Variants in PPIG observed in about 807,000 individuals in gnomAD.
The protein encoded by PPIG is peptidylprolyl isomerase G.
PPIG carries 26 observed loss-of-function variants against 87.9 expected under a neutral mutation model. The observed-to-expected ratio is 0.30, with a 90% confidence interval of 0.22 to 0.41. PPIG has a LOEUF of 0.41. Among genes scored for constraint, PPIG ranks in the 10% least tolerant of loss-of-function variants. PPIG has a pLI of 1.00. For synonymous variants in PPIG, 308 were observed against 276.5 expected (o/e 1.11, Z -1.13); for missense variants, 722 against 879.4 (o/e 0.82, Z 2.26).
intron 9 of PPIG, among the ~76,000 whole-genome samples, chr2:169,627,348 T>C (rs776319317): frequency 4.6e-5 from 7 of 152,234 alleles, no homozygotes; most frequent in Non-Finnish European, 8.8e-5. Flanking sequence ...CCACTAGCCT[T>C]GGCCTCCCAA....
At chr2:169,594,933 T>G (rs1309972248) in intron 1 of PPIG, among the ~76,000 whole-genome samples, 3 of 151,588 alleles carry the variant, frequency 2.0e-5, no homozygotes, top group Non-Finnish European at 4.4e-5. Flanking sequence ...TTTTATTTTA[T>G]TTTATTTTAT....
chr2:169,625,961 G>A (rs1685869761), intron 9 of PPIG, among the ~76,000 whole-genome samples: 1 of 152,110 alleles, frequency 6.6e-6, no homozygotes, highest in African/African-American at 2.4e-5. Flanking sequence ...GACAGGAGGT[G>A]GAGCTCCAGT....
At chr2:169,599,974 A>G (rs1220908281) in intron 1 of PPIG, among the ~76,000 whole-genome samples, 2 of 152,166 alleles carry the variant, frequency 1.3e-5, no homozygotes, top group African/African-American at 4.8e-5. Context: ...TCATTAGTGA[A>G]TCTAAAAAGC....
chr2:169,586,067 C>T (rs551038910), intron 1 of PPIG, among the ~76,000 whole-genome samples: 12 of 152,018 alleles, frequency 7.9e-5, no homozygotes, highest in African/African-American at 2.7e-4. Context: ...TAGCACTCCC[C>T]TTTTTTTTAT....
At chr2:169,609,118 C>A (rs1685418089) in intron 7 of PPIG, among the ~76,000 whole-genome samples, 1 of 150,286 alleles carries the variant, frequency 6.7e-6, no homozygotes, top group African/African-American at 2.4e-5. Context: ...TTTGGTCTGT[C>A]ATTTCTCTGT....
At position 169,636,472 on chromosome 2, in the gene PPIG, A is replaced by G. The variant is rs781695962; in HGVS notation, c.1214A>G (p.Lys405Arg). Residue 405 changes from lysine to arginine, a missense_variant, in exon 14 of 14, where the codon AAA (lysine) becomes AGA (arginine). Physicochemically the swap from Lys to Arg is conservative, Grantham distance 26. Transcript: ENST00000260970. ...QRSPVRVKER[K>R]ITDHRNVSES... Reference sequence around the variant, plus strand: ...AGTCCAGTTAGAGTAAAAGAGAGAAAAATAACAGATCACAGGAATGTATCT... The same window carrying G: ...AGTCCAGTTAGAGTAAAAGAGAGAAGAATAACAGATCACAGGAATGTATCT... 6.3e-7 allele frequency: 1 copy of G among 1,580,726 alleles called. No individual in the cohort carries two copies. Among genetic ancestry groups the G allele is most frequent in the Non-Finnish European group, 8.6e-7 (1 of 1,169,288 alleles).
intron 10 of PPIG, 42 bp from the exon 11 acceptor site, chr2:169,631,724 A>C: frequency 6.2e-7 from 1 of 1,612,804 alleles, no homozygotes; most frequent in Non-Finnish European, 8.5e-7. Context: ...TAAGGACATA[A>C]TAACCAACTG....
intron 7 of PPIG, among the ~76,000 whole-genome samples, chr2:169,611,980 T>A (rs532436773): frequency 1.3e-5 from 2 of 152,272 alleles, no homozygotes; most frequent in African/African-American, 4.8e-5. Context: ...AGCTATTTAT[T>A]TATTTATTTA....
chr2:169,636,164 C>A lies in PPIG; in HGVS notation c.1090C>A (p.Gln364Lys). The A allele has an allele frequency of 6.2e-7, 1 of 1,612,700 alleles. No homozygotes were observed. Residue 364 changes from glutamine to lysine, a missense_variant, in exon 13 of 14, where the codon CAA (glutamine) becomes AAA (lysine). Transcript: ENST00000260970. Reference protein sequence around the residue: ...RRSETPPHWRQEMQRAQRMRV... With the variant: ...RRSETPPHWRKEMQRAQRMRV... ...TAGTGAGACTCCTCCACATTGGAGG[C>A]AAGAGATGCAGAGAGCTCAAAGAAT...
At chr2:169,604,862 G>A (rs1444478031) in intron 4 of PPIG, among the ~76,000 whole-genome samples, 2 of 149,268 alleles carry the variant, frequency 1.3e-5, no homozygotes, top group Non-Finnish European at 1.5e-5. Context: ...CTAGAAGAGC[G>A]AGACTCCATC....
intron 9 of PPIG, among the ~76,000 whole-genome samples, chr2:169,618,909 GC>G (rs1685672782): frequency 6.6e-6 from 1 of 150,764 alleles, no homozygotes; most frequent in Non-Finnish European, 1.5e-5. Context: ...TCTTCTGCTA[GC>G]TTCTGCTAGC....
rs752630581 is a variant in PPIG, at chr2:169,637,029, C to T, written c.1771C>T (p.His591Tyr). 6.8e-6 allele frequency: 11 copies of T among 1,613,660 alleles called. No homozygotes were observed. The East Asian group carries it at 2.2e-4, about 33-fold the overall frequency. ...DRDRSRSKEY[H>Y]RYREQEYRRR... ...AGATCGCAGCAGAAGCAAGGAGTAC[C>T]ATAGATACAGAGAACAGGAATACAG... Residue 591 changes from histidine to tyrosine, a missense_variant, in exon 14 of 14, where the codon CAT (histidine) becomes TAT (tyrosine). Coordinates refer to ENST00000260970, the MANE Select transcript of PPIG (RefSeq NM_004792.3).
chr2:169,639,406 TAAC>T lies in PPIG; in HGVS notation c.*1885_*1887del, dbSNP rs1686261755. The stretch of plus-strand genomic sequence containing the variant: ...GTGCTATTTAAGAAAGGATTTCTAA[TAAC>T]AGTTAAATATTTTTTTTAAGTCCAT... On this transcript the variant is annotated 3_prime_UTR_variant, in exon 14 of 14. Transcript: ENST00000260970. 8.9e-6 allele frequency: 1 copy of T among 112,308 alleles called. No homozygotes were observed. The highest frequency in any genetic ancestry group is 1.9e-5 in the Non-Finnish European group (1 of 53,482). The allele number at this position is 112,308 out of a possible 1,614,324, so 7.0% of individuals were successfully genotyped here.
chr2:169,607,080 TA>T, intron 5 of PPIG, 23 bp from the exon 6 acceptor site: 1 of 1,501,238 alleles, frequency 6.7e-7, no homozygotes, highest in Non-Finnish European at 9.2e-7. Context: ...CTGAGAGTTA[TA>T]AGAGTATGTT....
chr2:169,605,761 C>T (rs763187852), intron 4 of PPIG, among the ~76,000 whole-genome samples: 4 of 151,960 alleles, frequency 2.6e-5, no homozygotes, highest in Non-Finnish European at 4.4e-5. Context: ...ATCGTGCCAC[C>T]GCACTGTAGC....
At chr2:169,601,007 G>A (rs190047505) in intron 1 of PPIG, among the ~76,000 whole-genome samples, 1 of 152,262 alleles carries the variant, frequency 6.6e-6, no homozygotes, top group East Asian at 1.9e-4. Flanking sequence ...GATTCTGTGA[G>A]GAGTTTGGTA....
At chr2:169,594,601 T>C (rs1422512091) in intron 1 of PPIG, among the ~76,000 whole-genome samples, 1 of 150,688 alleles carries the variant, frequency 6.6e-6, no homozygotes, top group African/African-American at 2.4e-5. Flanking sequence ...GTAATTTTTC[T>C]TCTTCAGTTT....
chr2:169,598,804 AATATTT>A (rs1014858863), intron 1 of PPIG, among the ~76,000 whole-genome samples: 24 of 147,710 alleles, frequency 1.6e-4, no homozygotes, highest in African/African-American at 5.5e-4. Context: ...AAGTATTATA[AATATTT>A]ATATTTATAT....
chr2:169,612,660 A>G (rs1032102978), intron 7 of PPIG, among the ~76,000 whole-genome samples: 8 of 151,894 alleles, frequency 5.3e-5, no homozygotes, highest in African/African-American at 1.9e-4. Context: ...GGGATTACAG[A>G]CGTGAGCCAC....
Sources: allele counts gnomAD v4.1 joint callset (sites outside exome capture counted in the v4.1 genomes callset), GRCh38; gene constraint gnomAD v4.1.1; transcripts MANE v1.5; gene names NCBI Gene and HGNC (gene_info 2026-07-23, HGNC 2026-07-21).